SYNC: variants seen among roughly 807,000 people sequenced by gnomAD.
SYNC encodes syncoilin, intermediate filament protein.
A neutral mutation model predicts 49.5 loss-of-function variants in SYNC; 38 were observed. The ratio of observed to expected loss-of-function variants is 0.77; its 90% CI spans 0.59 to 1.01. The LOEUF (loss-of-function observed/expected upper bound fraction) is 1.01. Ranked by LOEUF, SYNC falls within the 50% of genes least tolerant of loss-of-function variation. The probability of loss-of-function intolerance (pLI) is 0.00; values close to 1 mark genes in which losing one functional copy is unlikely to be tolerated. For synonymous variants in SYNC, 201 were observed against 230.8 expected, an observed-to-expected ratio of 0.87 and a Z score of 1.17; for missense variants, 579 against 580.6, an observed-to-expected ratio of 1.00 and a Z score of 0.03.
At chr1:32,684,587 A>G (rs542506369) in intron 2 of SYNC, 1 of 669,980 alleles carries the variant, frequency 1.5e-6, no homozygotes, top group Non-Finnish European at 2.4e-6. Context: ...ATGATGACGA[A>G]AAAGGCATCT....
chr1:32,683,822 G>A (rs1443721374), intron 4 of SYNC, 188 bp downstream of exon 4: 1 of 581,492 alleles, frequency 1.7e-6, no homozygotes, highest in Non-Finnish European at 3.1e-6. Context: ...TAGTGGAGAT[G>A]GAGTTTTGCC....
At chr1:32,690,088 A>G (rs1416941264) in intron 2 of SYNC, among the ~76,000 whole-genome samples, 1 of 152,164 alleles carries the variant, frequency 6.6e-6, no homozygotes, top group East Asian at 1.9e-4. Flanking sequence ...TACTACCAAG[A>G]GTGTATCAGG....
chr1:32,701,212 G>A (rs1650655959), intron 1 of SYNC, among the ~76,000 whole-genome samples: 1 of 152,118 alleles, frequency 6.6e-6, no homozygotes, highest in East Asian at 1.9e-4. Flanking sequence ...ACCGCGCCGG[G>A]CCCACAATAT....
chr1:32,684,769 TATAAAATACTTAAG>T (rs753920970), intron 2 of SYNC: 2 of 160,026 alleles, frequency 1.2e-5, no homozygotes, highest in African/African-American at 4.8e-5. Context: ...TTTTTAATAA[TATAAAATACTTAAG>T]TTGAAATACA....
chr1:32,685,148 C>T (rs1649737755), intron 2 of SYNC: 1 of 152,216 alleles, frequency 6.6e-6, no homozygotes, highest in Non-Finnish European at 1.5e-5. Context: ...CTGTGCCCAG[C>T]TTATCCTTTT....
chr1:32,687,482 C>A (rs1349590131), intron 2 of SYNC, among the ~76,000 whole-genome samples: 1 of 151,832 alleles, frequency 6.6e-6, no homozygotes, highest in Non-Finnish European at 1.5e-5. Context: ...ACCATCCCGG[C>A]CAACGTGGTG....
rs71006360 is a variant in SYNC at position 32,689,235 on chromosome 1, CTTTTTTTTTTTTT to C, written c.1234-4866_1234-4854del. Among the ~76,000 whole-genome samples the C allele has an allele frequency of 7.0e-4, 29 of 41,532 alleles. 2 individuals are homozygous for C. The highest frequency in any genetic ancestry group is 1.6e-3 in the African/African-American group (24 of 14,684). 27.2% of individuals were successfully genotyped at this position (41,532 alleles called of 152,430 possible). On this transcript the variant is annotated intron_variant, in intron 2 of 4. Transcript: ENST00000409190. ...ACAGGCGTGAGGCACCTCGCCTGGC[CTTTTTTTTTTTTT>C]TTTTTTTTTTTTTTTTGAGGTGAGT... is the stretch of plus-strand genomic sequence containing the variant.
At chr1:32,686,820 G>C (rs1022435653) in intron 2 of SYNC, among the ~76,000 whole-genome samples, 4 of 152,180 alleles carry the variant, frequency 2.6e-5, no homozygotes, top group Admixed American at 2.6e-4. Flanking sequence ...TTCCAACTTA[G>C]TGATAGAGCC....
At chr1:32,693,563 G>A (rs1338637047) in intron 2 of SYNC, among the ~76,000 whole-genome samples, 2 of 152,202 alleles carry the variant, frequency 1.3e-5, no homozygotes, top group Admixed American at 1.3e-4. Context: ...ACTGCTTAGA[G>A]CACCACACTA....
At chr1:32,686,813 C>T (rs969409235) in intron 2 of SYNC, among the ~76,000 whole-genome samples, 2 of 152,066 alleles carry the variant, frequency 1.3e-5, no homozygotes, top group African/African-American at 4.8e-5. Context: ...CCAAAGTTTC[C>T]AACTTAGTGA....
Position 32,681,071 on chromosome 1 carries a change from A to C in SYNC, c.*779T>G, listed in dbSNP as rs1053735235. The C allele has an allele frequency of 2.6e-5, 4 of 152,836 alleles. No homozygotes were observed. The highest frequency in any genetic ancestry group is 7.2e-5 in the African/African-American group (3 of 41,480). 9.5% of individuals were successfully genotyped at this position (152,836 alleles called of 1,614,324 possible). On this transcript the variant is annotated 3_prime_UTR_variant, in exon 5 of 5. Transcript: ENST00000409190. The stretch of plus-strand genomic sequence containing the variant: ...TTAGGTTAGAAATAATAGGCTTTGA[A>C]GGCCTCTATCACCAGATGCAATAAC...
chr1:32,695,980 C>A lies in SYNC; in HGVS notation c.118G>T (p.Ala40Ser), dbSNP rs1379997243. 6.5e-7 allele frequency: 1 copy of A among 1,543,176 alleles called. No individual in the cohort carries two copies. Among genetic ancestry groups the A allele is most frequent in the East Asian group, 2.4e-5 (1 of 40,918 alleles). Reference protein sequence around the residue: ...KNSGSLNEAEALNPEVTLSSE... With the variant: ...KNSGSLNEAESLNPEVTLSSE... The stretch of plus-strand genomic sequence containing the variant: ...GATAGAGTAACTTCTGGGTTCAAGG[C>A]TTCTGCCTCATTTAGGGATCCAGAG... The change falls in exon 2 of 5, where the codon GCC (alanine) becomes TCC (serine). Residue 40 changes from alanine to serine, a missense_variant. Physicochemically the swap from Ala to Ser is moderately conservative, Grantham distance 99. Transcript: ENST00000409190.
At position 32,681,628 on chromosome 1, in the gene SYNC, A is replaced by G. The variant is rs1649441441; in HGVS notation, c.*222T>C. Reference sequence around the variant, plus strand: ...GTGCATTGAGATCAGTATCAACAGCAGATGAAATAGAATCCAGCAAAGAGT... The same window carrying G: ...GTGCATTGAGATCAGTATCAACAGCGGATGAAATAGAATCCAGCAAAGAGT... On this transcript the variant is annotated 3_prime_UTR_variant, in exon 5 of 5. Transcript: ENST00000409190. The G allele has an allele frequency of 1.6e-6, 1 of 642,142 alleles. No homozygotes were observed. 39.8% of individuals were successfully genotyped at this position (642,142 alleles called of 1,614,324 possible).
In SYNC at chr1:32,702,761, A is replaced by C; in HGVS notation, c.-101T>G. 8 of 968,864 alleles carry C rather than the reference A, an allele frequency of 8.3e-6. No homozygotes were observed. The highest frequency in any genetic ancestry group is 1.0e-5 in the Non-Finnish European group (8 of 797,994). 60.0% of individuals were successfully genotyped at this position (968,864 alleles called of 1,614,324 possible). A position where few individuals can be genotyped will look rare whatever the true frequency, so the allele number is the denominator to read the frequency against. On this transcript the variant is annotated 5_prime_UTR_variant, in exon 1 of 5. Coordinates refer to ENST00000409190, the MANE Select transcript of SYNC (RefSeq NM_030786.3). The surrounding 1 kb of genome is among the most constrained non-coding windows in gnomAD (Gnocchi z 6.2). ...CGCCGCACTGCCAGCTGCAACCGAC[A>C]CCGGATCCCGGCCGGCCCCGGGCCG...
At chr1:32,685,466 G>A (rs1314336423) in intron 2 of SYNC, 1 of 152,220 alleles carries the variant, frequency 6.6e-6, no homozygotes, top group African/African-American at 2.4e-5. Flanking sequence ...CTCAGATTTT[G>A]AAGAATACTA....
At chr1:32,696,131 C>T in intron 1 of SYNC, 87 bp from the exon 2 acceptor site, 2 of 1,119,810 alleles carry the variant, frequency 1.8e-6, no homozygotes, top group Non-Finnish European at 1.2e-6. Context: ...GCCTAGACTA[C>T]CTCAGGTTCT....
chr1:32,701,158 G>A (rs1195607735), intron 1 of SYNC, among the ~76,000 whole-genome samples: 3 of 151,972 alleles, frequency 2.0e-5, no homozygotes, highest in African/African-American at 4.8e-5. Context: ...CAGGTGATCC[G>A]CACACCTCGG....
rs774310011 is a variant in SYNC, at chr1:32,695,692, C to G, written c.406G>C (p.Val136Leu). ...GTGACTGTCTCTCCCTCATAAACAA[C>G]GTGCTCTGGGCTTGTGGGCTTTCCT... ...EPGKPTSPEHVVYEGETVTRA... is the reference protein window; with the variant it reads ...EPGKPTSPEHLVYEGETVTRA... Residue 136 changes from valine to leucine, a missense_variant, in exon 2 of 5, where the codon GTT becomes CTT. Coordinates refer to ENST00000409190, the MANE Select transcript of SYNC (RefSeq NM_030786.3). The G allele has an allele frequency of 6.4e-7, 1 of 1,551,604 alleles. No individual in the cohort carries two copies. Among genetic ancestry groups the G allele is most frequent in the Non-Finnish European group, 8.7e-7 (1 of 1,147,010 alleles).
chr1:32,681,962 C>A, intron 4 of SYNC, 102 bp from the exon 5 acceptor site: 1 of 1,062,134 alleles, frequency 9.4e-7, no homozygotes, highest in Admixed American at 1.9e-5. Context: ...TATGGATGAT[C>A]AGGGATGACT....
Sources: allele counts gnomAD v4.1 joint callset (sites outside exome capture counted in the v4.1 genomes callset), GRCh38; gene constraint gnomAD v4.1.1; non-coding constraint Gnocchi (gnomAD v3.1); transcripts MANE v1.5; gene names NCBI Gene and HGNC (gene_info 2026-07-23, HGNC 2026-07-21).